Variants in ARHGAP15 observed in about 807,000 individuals in gnomAD.
ARHGAP15 encodes rho GTPase-activating protein 15.
ARHGAP15 carries 51 observed loss-of-function variants against 63.7 expected under a neutral mutation model. That is an observed-to-expected ratio of 0.80 (90% CI 0.64 to 1.01). ARHGAP15 has a LOEUF of 1.01. Ranked by LOEUF, ARHGAP15 falls within the 50% of genes least tolerant of loss-of-function variation. ARHGAP15 has a pLI of 0.00. For synonymous variants in ARHGAP15, 191 were observed against 193.8 expected (o/e 0.99, Z 0.12); for missense variants, 560 against 564.6 (o/e 0.99, Z 0.08).
In ARHGAP15 at chr2:143,285,476, G is replaced by A. The variant is rs569594684; in HGVS notation, c.474+34876G>A. Among the ~76,000 whole-genome samples, 44 of 151,958 alleles carry A rather than the reference G, an allele frequency of 2.9e-4. 2 individuals carry two copies. In the South Asian group the frequency reaches 4.1e-3, roughly 14 times the overall value. On this transcript the variant is annotated intron_variant, in intron 6 of 13. Transcript: ENST00000295095. Reference sequence around the variant, plus strand: ...TTTTATTTTCCAATATCTTTACCTCGGTCAGGTGGCCAAACTGTCTGATTA... The same window carrying A: ...TTTTATTTTCCAATATCTTTACCTCAGTCAGGTGGCCAAACTGTCTGATTA...
At chr2:143,337,894 C>T (rs1684875768) in intron 6 of ARHGAP15, among the ~76,000 whole-genome samples, 1 of 152,146 alleles carries the variant, frequency 6.6e-6, no homozygotes, top group African/African-American at 2.4e-5. Context: ...AATTCTCTGA[C>T]TTTTAAATCC....
intron 6 of ARHGAP15, among the ~76,000 whole-genome samples, chr2:143,364,613 T>C (rs954044362): frequency 3.9e-5 from 6 of 152,182 alleles, no homozygotes; most frequent in African/African-American, 1.4e-4. Context: ...GTAGGGTTCA[T>C]GTATTGGAAA....
chr2:143,555,322 C>T (rs906478021), intron 10 of ARHGAP15, among the ~76,000 whole-genome samples: 8 of 152,122 alleles, frequency 5.3e-5, no homozygotes, highest in Non-Finnish European at 1.2e-4. Flanking sequence ...TTCTACCAAT[C>T]TATTTAATAC....
At chr2:143,228,694 T>TA in intron 5 of ARHGAP15, 26 bp downstream of exon 5, 1 of 1,453,136 alleles carries the variant, frequency 6.9e-7, no homozygotes, top group East Asian at 2.5e-5. Flanking sequence ...TTTCTATTGT[T>TA]AAATATCTTT....
At chr2:143,666,440 A>G (rs1188639622) in intron 12 of ARHGAP15, among the ~76,000 whole-genome samples, 1 of 151,926 alleles carries the variant, frequency 6.6e-6, no homozygotes, top group Non-Finnish European at 1.5e-5. Flanking sequence ...AAAGCCTTAA[A>G]CCTTAGACCT....
chr2:143,666,228 T>C (rs1407917904), intron 12 of ARHGAP15, among the ~76,000 whole-genome samples: 3 of 146,982 alleles, frequency 2.0e-5, no homozygotes, highest in Non-Finnish European at 4.5e-5. Context: ...GAGATATAGA[T>C]CAATGGAACA....
chr2:143,543,120 A>AT (rs1460012956), intron 10 of ARHGAP15, among the ~76,000 whole-genome samples: 1 of 151,762 alleles, frequency 6.6e-6, no homozygotes, highest in Non-Finnish European at 1.5e-5. Context: ...GAATCTCTAT[A>AT]TTTTTTCCCA....
At chr2:143,637,696 A>C (rs1680390390) in intron 12 of ARHGAP15, among the ~76,000 whole-genome samples, 1 of 151,884 alleles carries the variant, frequency 6.6e-6, no homozygotes, top group Non-Finnish European at 1.5e-5. Flanking sequence ...TAGAGATAAA[A>C]ATTTACAACA....
intron 2 of ARHGAP15, among the ~76,000 whole-genome samples, chr2:143,163,965 A>T (rs354682): frequency 0.69 from 104,200 of 151,898 alleles, 36,407 homozygotes; most frequent in East Asian, 0.92. Context: ...TCCTAGGTGG[A>T]AGGAAACCCA....
chr2:143,469,417 C>A (rs182511012), intron 8 of ARHGAP15, among the ~76,000 whole-genome samples: 6 of 152,298 alleles, frequency 3.9e-5, no homozygotes, highest in Admixed American at 3.9e-4. Flanking sequence ...ACTTTTTCTT[C>A]TTATACACCC....
At chr2:143,648,549 A>G (rs1681006110) in intron 12 of ARHGAP15, among the ~76,000 whole-genome samples, 1 of 151,990 alleles carries the variant, frequency 6.6e-6, no homozygotes, top group African/African-American at 2.4e-5. Context: ...GTTCATGTCT[A>G]CTAAATCCTT....
At chr2:143,142,706 C>T (rs756056797) in intron 1 of ARHGAP15, among the ~76,000 whole-genome samples, 1 of 152,048 alleles carries the variant, frequency 6.6e-6, no homozygotes, top group Non-Finnish European at 1.5e-5. Flanking sequence ...TTTAAATACA[C>T]ATACATGTGT....
chr2:143,202,774 T>A (rs1287784600), intron 3 of ARHGAP15, among the ~76,000 whole-genome samples: 2 of 151,928 alleles, frequency 1.3e-5, no homozygotes, highest in African/African-American at 4.8e-5. Flanking sequence ...TTTTTTTTGT[T>A]ATTGTTGTTG....
chr2:143,563,807 T>C (rs546115316), intron 11 of ARHGAP15: 1 of 152,248 alleles, frequency 6.6e-6, no homozygotes, highest in Non-Finnish European at 1.5e-5. Context: ...GCTTCTGCTC[T>C]AACAACACTG....
chr2:143,260,846 C>T (rs1680678400), intron 6 of ARHGAP15, among the ~76,000 whole-genome samples: 1 of 152,110 alleles, frequency 6.6e-6, no homozygotes, highest in South Asian at 2.1e-4. Flanking sequence ...CTCGATTCCC[C>T]ATCCTTCCTC....
At chr2:143,563,594 A>G (rs991764195) in intron 11 of ARHGAP15, among the ~76,000 whole-genome samples, 2 of 152,228 alleles carry the variant, frequency 1.3e-5, no homozygotes, top group African/African-American at 4.8e-5. Flanking sequence ...ATTCGGTTGT[A>G]GCTTTTCCAT....
rs1558779300 is a variant in ARHGAP15, at chr2:143,153,824, CTTCT to C, written c.-14-1651_-14-1648del. Reference sequence around the variant, plus strand: ...TCTTCTTCTTCTTCTTCTTCTTCTTCTTCTTCTTCTTCTTCTTCTTCCTCCTCCT... The same window carrying C: ...TCTTCTTCTTCTTCTTCTTCTTCTTCTCTTCTTCTTCTTCTTCCTCCTCCT... On this transcript the variant is annotated intron_variant, in intron 1 of 13. Transcript: ENST00000295095. Among the ~76,000 whole-genome samples the C allele has an allele frequency of 7.4e-3, 649 of 88,008 alleles. 21 individuals carry two copies. The highest frequency in any genetic ancestry group is 0.011 in the Non-Finnish European group (466 of 42,962). The allele number at this position is 88,008 out of a possible 152,430, so 57.7% of individuals were successfully genotyped here. A position where few individuals can be genotyped will look rare whatever the true frequency, so the allele number is the denominator to read the frequency against.
intron 6 of ARHGAP15, among the ~76,000 whole-genome samples, chr2:143,317,582 C>T (rs1007405130): frequency 5.9e-5 from 9 of 152,134 alleles, no homozygotes; most frequent in Admixed American, 1.3e-4. Flanking sequence ...GAGTATTATG[C>T]GTGAAACAGC....
At chr2:143,180,260 C>T (rs568871210) in intron 2 of ARHGAP15, among the ~76,000 whole-genome samples, 1 of 152,200 alleles carries the variant, frequency 6.6e-6, no homozygotes, top group Non-Finnish European at 1.5e-5. Context: ...CAAATTTTGT[C>T]GTTCCAGCGA....
Sources: gnomAD v4.1 joint callset for allele counts (sites outside exome capture counted in the v4.1 genomes callset) on GRCh38, gnomAD v4.1.1 for gene constraint, MANE v1.5 for transcripts, NCBI Gene and HGNC (gene_info 2026-07-23, HGNC 2026-07-21) for gene names.